USH2A: variants seen among roughly 807,000 people sequenced by gnomAD.
The protein encoded by USH2A is Usher syndrome 2A (autosomal recessive, mild).
Under a neutral mutation model 538.9 loss-of-function variants are expected in USH2A, and 443 were observed. The observed-to-expected ratio is 0.82, with a 90% CI of 0.76 to 0.89. The LOEUF is 0.89. Ranked by LOEUF, USH2A falls within the 40% of genes least tolerant of loss-of-function variation. The pLI is 0.00. For synonymous variants in USH2A, 2,413 were observed against 2,273.5 expected, an observed-to-expected ratio of 1.06 and a Z score of -1.75; for missense variants, 6,633 against 6,324.8, an observed-to-expected ratio of 1.05 and a Z score of -1.65.
At chr1:215,652,998 C>T (rs982051805) in intron 64 of USH2A, among the ~76,000 whole-genome samples, 1 of 152,096 alleles carries the variant, frequency 6.6e-6, no homozygotes, top group Non-Finnish European at 1.5e-5. Flanking sequence ...GTAGTGCAGG[C>T]ATAGGGTGTT....
rs926977391 is a variant in USH2A at position 215,892,214 on chromosome 1, A to T, written c.7595-3160T>A. Among the ~76,000 whole-genome samples, 4 of 152,270 alleles carry T rather than the reference A, an allele frequency of 2.6e-5. No individual in the cohort carries two copies. The South Asian group carries it at 8.3e-4, about 32-fold the overall frequency. ...TGAATGACTCACAACTTGAGTGTGT[A>T]TATAACTTTCAGTGGTTTTGTGAGT... On this transcript the variant is annotated intron_variant, in intron 40 of 71. Transcript: ENST00000307340.
chr1:216,407,927 A>C (rs2102768881), intron 3 of USH2A, among the ~76,000 whole-genome samples: 1 of 137,896 alleles, frequency 7.3e-6, no homozygotes, highest in South Asian at 2.2e-4. Flanking sequence ...GAGATTGTTA[A>C]AAAAAAAAAA....
chr1:216,040,774 G>A (rs1413706517), intron 32 of USH2A, among the ~76,000 whole-genome samples: 1 of 151,688 alleles, frequency 6.6e-6, no homozygotes, highest in Non-Finnish European at 1.5e-5. Flanking sequence ...TCAATCTTTC[G>A]ATTATGTTTT....
rs549911033 is a variant in USH2A at position 216,280,527 on chromosome 1, G to A, written c.1971+8753C>T. On this transcript the variant is annotated intron_variant, in intron 11 of 71. Transcript: ENST00000307340. ...AACCCAAGGGATCCAAGGATTCCATGTTAGTTATTCCTCAATAATCATTAT... is the reference window on the plus strand; with the variant it reads ...AACCCAAGGGATCCAAGGATTCCATATTAGTTATTCCTCAATAATCATTAT... Among the ~76,000 whole-genome samples the A allele has an allele frequency of 1.6e-4, 25 of 152,212 alleles. No individual in the cohort carries two copies. The East Asian group carries it at 4.4e-3, about 27-fold the overall frequency.
rs188765845 is a variant in USH2A at position 216,232,837 on chromosome 1, T to C, written c.2810-701A>G. On this transcript the variant is annotated intron_variant, in intron 13 of 71. Coordinates refer to ENST00000307340, the MANE Select transcript of USH2A (RefSeq NM_206933.4). Reference sequence around the variant, plus strand: ...CTGTAGGGGCTTTATCTTGAGCATCTCATTTAGTTGTCATAGAAATGCAAA... The same window carrying C: ...CTGTAGGGGCTTTATCTTGAGCATCCCATTTAGTTGTCATAGAAATGCAAA... Among the ~76,000 whole-genome samples, 56 of 152,314 alleles carry C rather than the reference T, an allele frequency of 3.7e-4. 1 individual carries two copies. The highest frequency in any genetic ancestry group is 1.9e-3 in the South Asian group (9 of 4,830).
intron 41 of USH2A, among the ~76,000 whole-genome samples, chr1:215,881,349 A>G (rs1356297549): frequency 6.6e-6 from 1 of 152,160 alleles, no homozygotes; most frequent in African/African-American, 2.4e-5. Context: ...CATGTTGGCC[A>G]GGCTGGTCTC....
intron 38 of USH2A, among the ~76,000 whole-genome samples, chr1:215,901,757 T>C (rs2102470965): frequency 6.6e-6 from 1 of 152,278 alleles, no homozygotes; most frequent in East Asian, 1.9e-4. Flanking sequence ...TCTGGTTATT[T>C]AATTAATTTT....
At chr1:216,256,236 T>G (rs775796010) in intron 11 of USH2A, among the ~76,000 whole-genome samples, 18 of 151,908 alleles carry the variant, frequency 1.2e-4, no homozygotes, top group Non-Finnish European at 2.2e-4. Flanking sequence ...ATATGTAAAT[T>G]TAGCATTATT....
intron 32 of USH2A, among the ~76,000 whole-genome samples, chr1:216,031,851 G>C (rs900275541): frequency 6.6e-6 from 1 of 152,132 alleles, no homozygotes; most frequent in African/African-American, 2.4e-5. Context: ...CGCATTAATA[G>C]TTCTGTGTCT....
At chr1:215,968,960 T>G (rs185151614) in intron 36 of USH2A, among the ~76,000 whole-genome samples, 1 of 152,302 alleles carries the variant, frequency 6.6e-6, no homozygotes, top group Non-Finnish European at 1.5e-5. Context: ...AAGGACACAT[T>G]AAAAGAATCA....
intron 63 of USH2A, among the ~76,000 whole-genome samples, chr1:215,672,745 G>A (rs1475744300): frequency 2.6e-5 from 4 of 152,228 alleles, no homozygotes; most frequent in South Asian, 4.2e-4. Context: ...AAAAAACCAC[G>A]CATGAACTCC....
rs752691407 is a variant in USH2A, at chr1:215,623,486, G to A, written c.*2295C>T. ...CAACCGAATCAGAATCTCTAGAGGC[G>A]AGTCTGCATGGTTTGTATAATAGAG... On this transcript the variant is annotated 3_prime_UTR_variant, in exon 72 of 72. Coordinates refer to ENST00000307340, the MANE Select transcript of USH2A (RefSeq NM_206933.4). 2.0e-5 allele frequency: 3 copies of A among 151,244 alleles called. No individual in the cohort carries two copies. The highest frequency in any genetic ancestry group is 7.2e-5 in the African/African-American group (3 of 41,404). The allele number at this position is 151,244 out of a possible 1,614,324, so 9.4% of individuals were successfully genotyped here.
intron 41 of USH2A, among the ~76,000 whole-genome samples, chr1:215,880,744 C>T (rs7544464): frequency 0.18 from 27,846 of 152,118 alleles, 2,696 homozygotes; most frequent in East Asian, 0.29. Flanking sequence ...CTGAAGAATA[C>T]GGCTTTCTTG....
At chr1:216,178,792 A>G (rs1294229066) in intron 20 of USH2A, among the ~76,000 whole-genome samples, 1 of 152,142 alleles carries the variant, frequency 6.6e-6, no homozygotes, top group South Asian at 2.1e-4. Context: ...ACTATTGAGC[A>G]CTTGAAATGT....
chr1:215,807,922 G>A (rs1292714815), intron 49 of USH2A, among the ~76,000 whole-genome samples: 1 of 151,912 alleles, frequency 6.6e-6, no homozygotes, highest in Admixed American at 6.6e-5. Flanking sequence ...GGTTAGCTTT[G>A]AGTATTCTAA....
At chr1:216,161,460 G>A (rs1041794775) in intron 21 of USH2A, among the ~76,000 whole-genome samples, 12 of 151,890 alleles carry the variant, frequency 7.9e-5, no homozygotes, top group African/African-American at 2.9e-4. Context: ...TTTTACCACA[G>A]TTTAGCTCCA....
At chr1:216,158,565 G>C (rs1319043373) in intron 21 of USH2A, among the ~76,000 whole-genome samples, 4 of 152,082 alleles carry the variant, frequency 2.6e-5, no homozygotes, top group African/African-American at 9.7e-5. Context: ...TATTTATGTG[G>C]CAATATGTTA....
rs562305477 is a variant in USH2A at position 215,733,164 on chromosome 1, C to T, written c.11712-4780G>A. 4.9e-5 allele frequency among the ~76,000 whole-genome samples: 6 copies of T among 122,010 alleles called. No homozygotes were observed. In the South Asian group the frequency reaches 1.3e-3, roughly 27 times the overall value. 80.0% of individuals were successfully genotyped at this position (122,010 alleles called of 152,430 possible). A position where few individuals can be genotyped will look rare whatever the true frequency, so the allele number is the denominator to read the frequency against. Reference sequence around the variant, plus strand: ...AGGTGAAGAAAGAGCAAGTGCATCACGTGCAGAGAGCAGGAGCAAGAGAGA... The same window carrying T: ...AGGTGAAGAAAGAGCAAGTGCATCATGTGCAGAGAGCAGGAGCAAGAGAGA... On this transcript the variant is annotated intron_variant, in intron 60 of 71. Coordinates refer to ENST00000307340, the MANE Select transcript of USH2A (RefSeq NM_206933.4).
chr1:216,306,270 G>A (rs2037315485), intron 9 of USH2A, among the ~76,000 whole-genome samples: 1 of 151,836 alleles, frequency 6.6e-6, no homozygotes, highest in South Asian at 2.1e-4. Context: ...TCAAGCTCTG[G>A]TGTTCTTCCT....
Sources: gnomAD v4.1 joint callset for allele counts (sites outside exome capture counted in the v4.1 genomes callset) on GRCh38, gnomAD v4.1.1 for gene constraint, MANE v1.5 for transcripts, NCBI Gene and HGNC (gene_info 2026-07-23, HGNC 2026-07-21) for gene names.